The following RERE variants were observed in gnomAD, a reference collection of about 807,000 sequenced individuals.
RERE encodes the protein arginine-glutamic acid dipeptide repeats.
RERE carries 40 observed loss-of-function variants against 146.1 expected under a neutral mutation model. That is an observed-to-expected ratio of 0.27 (90% CI 0.21 to 0.36). The LOEUF is 0.36. RERE is among the 10% of genes least tolerant of loss of function. The pLI is 1.00. For missense variants in RERE, 1,933 were observed against 2,138.7 expected (o/e 0.90, Z 1.90); for synonymous variants, 1,003 against 866.0 (o/e 1.16, Z -2.78).
At chr1:8,442,873 G>C (rs542574332) in intron 11 of RERE, among the ~76,000 whole-genome samples, 1 of 152,258 alleles carries the variant, frequency 6.6e-6, no homozygotes, top group African/African-American at 2.4e-5. Flanking sequence ...ATGGAAATGA[G>C]GACATTATTG....
chr1:8,779,520 G>A (rs180812686), intron 1 of RERE, among the ~76,000 whole-genome samples: 142 of 151,954 alleles, frequency 9.3e-4, no homozygotes, highest in African/African-American at 3.2e-3. Context: ...AAAATTAGCC[G>A]GGCATGGTGG....
intron 4 of RERE, among the ~76,000 whole-genome samples, chr1:8,604,532 G>T (rs552635419): frequency 1.8e-4 from 27 of 148,616 alleles, no homozygotes; most frequent in Non-Finnish European, 3.7e-4. Context: ...TGTTGTGGGG[G>T]AAGAGGAGGT....
intron 11 of RERE, chr1:8,428,716 T>TC (rs1404884091): frequency 1.3e-5 from 2 of 152,176 alleles, no homozygotes; most frequent in Admixed American, 1.3e-4. Flanking sequence ...TCTAGTCTGC[T>TC]CCTATGTTCC....
At chr1:8,575,587 T>C (rs1646285235) in intron 4 of RERE, among the ~76,000 whole-genome samples, 1 of 143,708 alleles carries the variant, frequency 7.0e-6, no homozygotes. Flanking sequence ...GCAGAGACAG[T>C]GTCTCACTAT....
intron 9 of RERE, 140 bp from the exon 10 acceptor site, chr1:8,495,302 C>T (rs1465061689): frequency 1.8e-6 from 1 of 561,802 alleles, no homozygotes; most frequent in South Asian, 2.1e-5. Context: ...CCAGCTCTGC[C>T]TCTGCTCCTA....
intron 4 of RERE, among the ~76,000 whole-genome samples, chr1:8,591,523 T>A (rs6675443): frequency 0.6 from 90,808 of 151,920 alleles, 27,669 homozygotes; most frequent in East Asian, 0.83. Flanking sequence ...AAACTGTCTA[T>A]ATAGCCACCT....
At chr1:8,561,768 G>A (rs1307869064) in intron 4 of RERE, among the ~76,000 whole-genome samples, 1 of 152,232 alleles carries the variant, frequency 6.6e-6, no homozygotes, top group African/African-American at 2.4e-5. Context: ...TCCCCTCCCT[G>A]AGTAAGTGTT....
At chr1:8,644,225 G>C (rs1647226539) in intron 2 of RERE, among the ~76,000 whole-genome samples, 1 of 152,086 alleles carries the variant, frequency 6.6e-6, no homozygotes, top group Admixed American at 6.6e-5. Context: ...TTTTATACAA[G>C]ACATGTGCAT....
At chr1:8,687,528 C>G (rs1639117498) in intron 1 of RERE, among the ~76,000 whole-genome samples, 2 of 152,198 alleles carry the variant, frequency 1.3e-5, no homozygotes, top group Admixed American at 6.5e-5. Context: ...CTCACCAAAT[C>G]TGAGACATAA....
At chr1:8,621,722 G>A (rs1319306509) in intron 3 of RERE, among the ~76,000 whole-genome samples, 2 of 152,094 alleles carry the variant, frequency 1.3e-5, no homozygotes, top group African/African-American at 4.8e-5. Flanking sequence ...CATGTTATTT[G>A]CTGGGAGCAA....
At chr1:8,710,942 A>C (rs185162851) in intron 1 of RERE, among the ~76,000 whole-genome samples, 14 of 152,160 alleles carry the variant, frequency 9.2e-5, no homozygotes, top group Admixed American at 8.5e-4. Flanking sequence ...GGATCACTTA[A>C]GGCCAGGAGT....
At chr1:8,591,209 T>C (rs1001824881) in intron 4 of RERE, among the ~76,000 whole-genome samples, 4 of 152,148 alleles carry the variant, frequency 2.6e-5, no homozygotes, top group African/African-American at 7.2e-5. Context: ...CCACCTGAGC[T>C]GCCAGATAAG....
chr1:8,406,359 C>T (rs1643437375), intron 12 of RERE, among the ~76,000 whole-genome samples: 1 of 152,132 alleles, frequency 6.6e-6, no homozygotes, highest in Admixed American at 6.5e-5. Context: ...AGGCATGATG[C>T]TGTCCCCAGT....
At chr1:8,386,703 G>A (rs1056322030) in intron 12 of RERE, among the ~76,000 whole-genome samples, 2 of 151,958 alleles carry the variant, frequency 1.3e-5, no homozygotes, top group Non-Finnish European at 1.5e-5. Context: ...AGTAACCAGG[G>A]AAATACAAAC....
chr1:8,356,296 G>C lies in RERE; in HGVS notation c.4340-50C>G. On this transcript the variant is annotated intron_variant, in intron 20 of 22. Transcript: ENST00000400908. The surrounding 1 kb of genome is among the most constrained non-coding windows in gnomAD (Gnocchi z 5.2). ...TGGAGGCGGTGTGCAGCTCTTCAATGTTTGTCCCCCTTGGCTGGAATGACC... is the reference window on the plus strand; with the variant it reads ...TGGAGGCGGTGTGCAGCTCTTCAATCTTTGTCCCCCTTGGCTGGAATGACC... 6.8e-7 allele frequency: 1 copy of C among 1,461,590 alleles called. No homozygotes were observed. Among genetic ancestry groups the C allele is most frequent in the Non-Finnish European group, 9.0e-7 (1 of 1,115,000 alleles). The allele number at this position is 1,461,590 out of a possible 1,614,324, so 90.5% of individuals were successfully genotyped here. A position where few individuals can be genotyped will look rare whatever the true frequency, so the allele number is the denominator to read the frequency against.
At chr1:8,726,147 C>CTTTTTTTTTTTTTTTTTTTTTTTT (rs70985511) in intron 1 of RERE, among the ~76,000 whole-genome samples, 2 of 69,406 alleles carry the variant, frequency 2.9e-5, no homozygotes, top group African/African-American at 1.3e-4. Context: ...TTTTTCTTTT[C>CTTTTTTTTTTTTTTTTTTTTTTTT]TTTTTTTTTT....
At chr1:8,359,177 T>C (rs1641445031) in intron 19 of RERE, among the ~76,000 whole-genome samples, 1 of 152,194 alleles carries the variant, frequency 6.6e-6, no homozygotes, top group South Asian at 2.1e-4. Flanking sequence ...GCATGGGTTG[T>C]CTACGTGTGA....
intron 7 of RERE, among the ~76,000 whole-genome samples, chr1:8,530,171 A>C (rs1449317078): frequency 6.6e-6 from 1 of 152,154 alleles, no homozygotes; most frequent in Non-Finnish European, 1.5e-5. Flanking sequence ...TACATCTATA[A>C]TCTCTGGATC....
intron 1 of RERE, chr1:8,792,717 T>G (rs1387935501): frequency 6.6e-6 from 1 of 152,190 alleles, no homozygotes; most frequent in Non-Finnish European, 1.5e-5. Flanking sequence ...ATAGTCAAAC[T>G]CCTCTCTCTT....
Sources: gnomAD v4.1 joint callset for allele counts (sites outside exome capture counted in the v4.1 genomes callset) on GRCh38, gnomAD v4.1.1 for gene constraint, Gnocchi (gnomAD v3.1) non-coding constraint, MANE v1.5 for transcripts, NCBI Gene and HGNC (gene_info 2026-07-23, HGNC 2026-07-21) for gene names.